CIAO1: variants seen among roughly 807,000 people sequenced by gnomAD.
The protein encoded by CIAO1 is cytosolic iron-sulfur assembly component 1, also known as probable cytosolic iron-sulfur protein assembly protein CIAO1.
CIAO1 carries 32 observed loss-of-function variants against 43.1 expected under a neutral mutation model. The ratio of observed to expected loss-of-function variants is 0.74; its 90% confidence interval spans 0.56 to 1.00. CIAO1 has a LOEUF of 1.00. Among genes scored for constraint, CIAO1 ranks in the 50% least tolerant of loss-of-function variants. CIAO1 has a pLI of 0.00. For synonymous variants in CIAO1, 183 were observed against 171.4 expected, an observed-to-expected ratio of 1.07 and a Z score of -0.53; for missense variants, 415 against 437.4, an observed-to-expected ratio of 0.95 and a Z score of 0.46.
intron 5 of CIAO1, 116 bp downstream of exon 5, chr2:96,268,774 G>A (rs1684486281): frequency 2.0e-6 from 2 of 991,016 alleles, no homozygotes; most frequent in Admixed American, 2.2e-5. Flanking sequence ...GCTACAAGAG[G>A]GCTCTGGATA....
chr2:96,267,385 C>T lies in CIAO1; in HGVS notation c.204C>T (p.Ala68=). ...ACCAGCGCACCGTGCGGAAGGTAGCCTGGTCCCCCTGCGGTAATTACCTGG... is the reference window on the plus strand; with the variant it reads ...ACCAGCGCACCGTGCGGAAGGTAGCTTGGTCCCCCTGCGGTAATTACCTGG... ...EGHQRTVRKV[A]WSPCGNYLAS... The change falls in exon 2 of 7, where the codon GCC becomes GCT. Residue 68 remains alanine, a synonymous_variant. Coordinates refer to ENST00000488633, the MANE Select transcript of CIAO1 (RefSeq NM_004804.3). 1 of 1,614,198 alleles carries T rather than the reference C, an allele frequency of 6.2e-7. No individual in the cohort carries two copies. The highest frequency in any genetic ancestry group is 8.5e-7 in the Non-Finnish European group (1 of 1,180,038).
At chr2:96,266,528 G>T in intron 1 of CIAO1, 39 bp downstream of exon 1, 1 of 1,388,250 alleles carries the variant, frequency 7.2e-7, no homozygotes, top group Non-Finnish European at 9.5e-7. Context: ...CAGCGCTGAG[G>T]GCTCAGCCTG....
At position 96,271,520 on chromosome 2, in the gene CIAO1, CT is replaced by C; in HGVS notation, c.*172del. 3 of 740,208 alleles carry C rather than the reference CT, an allele frequency of 4.1e-6. No individual in the cohort carries two copies. Among genetic ancestry groups the C allele is most frequent in the Non-Finnish European group, 6.4e-6 (3 of 466,274 alleles). 45.9% of individuals were successfully genotyped at this position (740,208 alleles called of 1,614,324 possible). ...CCACAGAATTGCTTTCCTTCCCCGC[CT>C]TTGACATGAGGCCTTCAGTAAAGAG... On this transcript the variant is annotated 3_prime_UTR_variant, in exon 7 of 7. Coordinates refer to ENST00000488633, the MANE Select transcript of CIAO1 (RefSeq NM_004804.3).
chr2:96,268,974 G>C, intron 5 of CIAO1: 1 of 573,406 alleles, frequency 1.7e-6, no homozygotes, highest in South Asian at 2.1e-5. Context: ...GGCATAGGAC[G>C]TCTGGGGTTT....
In CIAO1 at chr2:96,271,185, C is replaced by G. The variant is rs1433841937; in HGVS notation, c.854C>G (p.Ser285Trp). The G allele has an allele frequency of 2.5e-6, 4 of 1,614,136 alleles. No homozygotes were observed. The highest frequency in any genetic ancestry group is 2.7e-5 in the African/African-American group (2 of 74,950). The stretch of plus-strand genomic sequence containing the variant: ...CGCGTGTTTCAGGAGGATCCCAACT[C>G]GGATCCACAGCAGCCCACCTTCTCC... ...AIRVFQEDPN[S>W]DPQQPTFSLT... The change falls in exon 7 of 7, where the codon TCG becomes TGG. Residue 285 changes from serine to tryptophan, a missense_variant. Physicochemically the swap from Ser to Trp is radical, Grantham distance 177. Transcript: ENST00000488633.
In CIAO1 at chr2:96,271,719, C is replaced by G; in HGVS notation, c.*368C>G. 5.9e-6 allele frequency: 1 copy of G among 168,128 alleles called. No homozygotes were observed. The highest frequency in any genetic ancestry group is 1.7e-4 in the South Asian group (1 of 5,978). 10.4% of individuals were successfully genotyped at this position (168,128 alleles called of 1,614,324 possible). A position where few individuals can be genotyped will look rare whatever the true frequency, so the allele number is the denominator to read the frequency against. On this transcript the variant is annotated 3_prime_UTR_variant, in exon 7 of 7. Transcript: ENST00000488633. ...TTAAAGAAATAATCCATCTGCATCCCAAGTCCTATTTTATAAGGATATTCA... is the reference window on the plus strand; with the variant it reads ...TTAAAGAAATAATCCATCTGCATCCGAAGTCCTATTTTATAAGGATATTCA...
intron 6 of CIAO1, among the ~76,000 whole-genome samples, chr2:96,269,677 T>G (rs1428164484): frequency 1.3e-5 from 2 of 152,112 alleles, no homozygotes; most frequent in African/African-American, 4.8e-5. Flanking sequence ...AGACAGAGTC[T>G]CACTCTGCAG....
chr2:96,267,061 G>A (rs559822233), intron 1 of CIAO1, among the ~76,000 whole-genome samples: 1 of 146,396 alleles, frequency 6.8e-6, no homozygotes, highest in African/African-American at 2.5e-5. Context: ...TTGAACCCAG[G>A]AGGCGAAGAT....
At position 96,269,642 on chromosome 2, in the gene CIAO1, T is replaced by G. The variant is rs534435917; in HGVS notation, c.779+287T>G. ...TTGAATCTGCATTCGTGGCTGAGGG[T>G]TTTTTTTTGTTTTTTTGTTTTTTGA... is the stretch of plus-strand genomic sequence containing the variant. On this transcript the variant is annotated intron_variant, in intron 6 of 6. Coordinates refer to ENST00000488633, the MANE Select transcript of CIAO1 (RefSeq NM_004804.3). 1.0e-4 allele frequency among the ~76,000 whole-genome samples: 15 copies of G among 150,214 alleles called. No individual in the cohort carries two copies. The South Asian group carries it at 1.3e-3, about 13-fold the overall frequency.
In CIAO1 at chr2:96,266,327, C is replaced by T; in HGVS notation, c.-24C>T. The T allele has an allele frequency of 4.3e-6, 6 of 1,384,048 alleles. No individual in the cohort carries two copies. The highest frequency in any genetic ancestry group is 4.8e-6 in the Non-Finnish European group (5 of 1,052,510). The allele number at this position is 1,384,048 out of a possible 1,614,324, so 85.7% of individuals were successfully genotyped here. ...CTGCTCAGCGGACTCTGCCCGCCCC[C>T]ACCTCCCCCTGCGTCGGGCCGACAT... On this transcript the variant is annotated 5_prime_UTR_variant, in exon 1 of 7. Coordinates refer to ENST00000488633, the MANE Select transcript of CIAO1 (RefSeq NM_004804.3).
Position 96,271,863 on chromosome 2 carries a change from T to TTGAG in CIAO1, c.*517_*520dup, listed in dbSNP as rs1161520629. On this transcript the variant is annotated 3_prime_UTR_variant, in exon 7 of 7. Transcript: ENST00000488633. The stretch of plus-strand genomic sequence containing the variant: ...AGGAAATTTTTTTCTGAATGTAGGT[T>TTGAG]TGAGTGAGGGGCACCTCTGCTTTCC... The TTGAG allele has an allele frequency of 2.6e-5, 4 of 155,478 alleles. No individual in the cohort carries two copies. The highest frequency in any genetic ancestry group is 4.3e-5 in the Non-Finnish European group (3 of 70,282). The allele number at this position is 155,478 out of a possible 1,614,324, so 9.6% of individuals were successfully genotyped here. A position where few individuals can be genotyped will look rare whatever the true frequency, so the allele number is the denominator to read the frequency against.
intron 4 of CIAO1, 48 bp from the exon 5 acceptor site, chr2:96,268,409 C>T (rs1175888938): frequency 1.3e-6 from 2 of 1,537,782 alleles, no homozygotes; most frequent in South Asian, 1.1e-5. Flanking sequence ...TCCTTTGCTT[C>T]CTGGGCCACA....
At position 96,267,933 on chromosome 2, in the gene CIAO1, C is replaced by G. The variant is rs528385159; in HGVS notation, c.489+9C>G. 1 of 1,609,826 alleles carries G rather than the reference C, an allele frequency of 6.2e-7. No homozygotes were observed. Among genetic ancestry groups the G allele is most frequent in the East Asian group, 2.2e-5 (1 of 44,872 alleles). On this transcript the variant is annotated intron_variant, in intron 4 of 6. Transcript: ENST00000488633. Reference sequence around the variant, plus strand: ...GGCACCCAAGTCAGGAGGTAAGAGTCAAGCAGGGACTCTTGTGGGAAGGGC... The same window carrying G: ...GGCACCCAAGTCAGGAGGTAAGAGTGAAGCAGGGACTCTTGTGGGAAGGGC...
At chr2:96,267,195 T>C (rs1684449484) in intron 1 of CIAO1, 126 bp from the exon 2 acceptor site, 1 of 745,390 alleles carries the variant, frequency 1.3e-6, no homozygotes, top group East Asian at 3.2e-5. Context: ...TGCATCTTTG[T>C]AAAAGCTGTG....
Position 96,272,885 on chromosome 2 carries a change from G to GC in CIAO1, c.*1535dup, listed in dbSNP as rs1319959477. 5.3e-5 allele frequency: 8 copies of GC among 152,212 alleles called. No homozygotes were observed. The highest frequency in any genetic ancestry group is 1.9e-4 in the African/African-American group (8 of 41,442). 9.4% of individuals were successfully genotyped at this position (152,212 alleles called of 1,614,324 possible). A position where few individuals can be genotyped will look rare whatever the true frequency, so the allele number is the denominator to read the frequency against. ...CTGGAAGCATGCATAAAGCCCCTCT[G>GC]CTGTGCACTGAAGTATGGGTGCCTT... is the stretch of plus-strand genomic sequence containing the variant. On this transcript the variant is annotated 3_prime_UTR_variant, in exon 7 of 7. Transcript: ENST00000488633.
rs1324779357 is a variant in CIAO1 at position 96,268,472 on chromosome 2, A to G, written c.505A>G (p.Ser169Gly). The part of the protein sequence containing the change: ...HPSQELLASA[S>G]YDDTVKLYRE... ...CTTCCCCCAGCTCTTAGCTTCTGCC[A>G]GCTATGATGACACAGTGAAGCTGTA... The change falls in exon 5 of 7, where the codon AGC (serine) becomes GGC (glycine). Residue 169 changes from serine (S) to glycine (G), a missense_variant. Ser to Gly is a moderately conservative substitution (Grantham distance 56). Coordinates refer to ENST00000488633, the MANE Select transcript of CIAO1 (RefSeq NM_004804.3). 1 of 1,614,204 alleles carries G rather than the reference A, an allele frequency of 6.2e-7. No homozygotes were observed. The highest frequency in any genetic ancestry group is 1.1e-5 in the South Asian group (1 of 91,080).
intron 6 of CIAO1, among the ~76,000 whole-genome samples, chr2:96,270,809 CA>C (rs531540380): frequency 0.029 from 1,545 of 53,828 alleles, 14 homozygotes; most frequent in East Asian, 0.12. Context: ...GACTCCATCT[CA>C]AAAAAAAAAA....
chr2:96,269,035 C>T (rs928661122), intron 5 of CIAO1: 4 of 591,732 alleles, frequency 6.8e-6, no homozygotes, highest in East Asian at 2.8e-5. Context: ...TTCACAGGCA[C>T]GCAAAGTAGT....
chr2:96,270,997 AAG>A (rs1684539294), intron 6 of CIAO1, 112 bp from the exon 7 acceptor site: 5 of 1,311,522 alleles, frequency 3.8e-6, no homozygotes, highest in South Asian at 2.8e-5. Flanking sequence ...ACATTTTAAT[AAG>A]AGGTTTTTAG....
Sources: allele counts gnomAD v4.1 joint callset (sites outside exome capture counted in the v4.1 genomes callset), GRCh38; gene constraint gnomAD v4.1.1; transcripts MANE v1.5; gene names NCBI Gene and HGNC (gene_info 2026-07-23, HGNC 2026-07-21).